PINX1: variants seen among roughly 807,000 people sequenced by gnomAD.
PINX1 encodes the protein PIN2 (TERF1) interacting telomerase inhibitor 1.
In PINX1, 34 loss-of-function variants were observed where a neutral mutation model predicts 25.4. That is an observed-to-expected ratio of 1.34 (90% CI 1.02 to 1.78). The LOEUF (loss-of-function observed/expected upper bound fraction) is 1.78. PINX1 is among the 40% of genes most tolerant of loss of function. PINX1 has a pLI of 0.00. For missense variants in PINX1, 592 were observed against 404.9 expected, an observed-to-expected ratio of 1.46 and a Z score of -3.97; for synonymous variants, 197 against 147.7, an observed-to-expected ratio of 1.33 and a Z score of -2.42.
chr8:10,837,830 A>G (rs1047800885), intron 1 of PINX1, among the ~76,000 whole-genome samples: 1 of 152,250 alleles, frequency 6.6e-6, no homozygotes, highest in Non-Finnish European at 1.5e-5. Flanking sequence ...TCAGAGGTTG[A>G]TCAGAAGGAG....
intron 6 of PINX1, among the ~76,000 whole-genome samples, chr8:10,768,285 G>A (rs891238394): frequency 6.6e-6 from 1 of 152,254 alleles, no homozygotes; most frequent in South Asian, 2.1e-4. Context: ...CTGGAACTCA[G>A]ATCTGAGTCG....
At chr8:10,828,464 G>C (rs947811787) in intron 4 of PINX1, among the ~76,000 whole-genome samples, 1 of 152,164 alleles carries the variant, frequency 6.6e-6, no homozygotes, top group Non-Finnish European at 1.5e-5. Context: ...ACTCACTACA[G>C]AGGACGACAC....
At chr8:10,776,423 C>A (rs1442802761) in intron 6 of PINX1, among the ~76,000 whole-genome samples, 3 of 145,006 alleles carry the variant, frequency 2.1e-5, no homozygotes, top group African/African-American at 5.1e-5. Context: ...AGACTCCGCT[C>A]AATAAATAAA....
intron 6 of PINX1, among the ~76,000 whole-genome samples, chr8:10,776,194 G>C (rs561136566): frequency 6.6e-6 from 1 of 152,240 alleles, no homozygotes; most frequent in Admixed American, 6.5e-5. Flanking sequence ...GGGAGGCCGA[G>C]GCAGGTGGAT....
At position 10,832,953 on chromosome 8, in the gene PINX1, T is replaced by C; in HGVS notation, c.161A>G (p.Asp54Gly). The change falls in exon 3 of 7, where the codon GAT becomes GGT. Residue 54 changes from aspartate to glycine, a missense_variant. Coordinates refer to ENST00000314787, the MANE Select transcript of PINX1 (RefSeq NM_017884.6). ...ATTTTTCACTTGAACTTTAATATGA[T>C]CTGTGGCTCCTTGCTCCTGAGCCCC... ...GLGAQEQGAT[D>G]HIKVQVKNNH... The C allele has an allele frequency of 6.2e-7, 1 of 1,611,618 alleles. No individual in the cohort carries two copies. Among genetic ancestry groups the C allele is most frequent in the Non-Finnish European group, 8.5e-7 (1 of 1,178,690 alleles).
At chr8:10,800,872 G>C (rs1393963108) in intron 6 of PINX1, among the ~76,000 whole-genome samples, 1 of 152,140 alleles carries the variant, frequency 6.6e-6, no homozygotes, top group Non-Finnish European at 1.5e-5. Flanking sequence ...ACTTGATCCA[G>C]GCGCTCAGCT....
intron 6 of PINX1, among the ~76,000 whole-genome samples, chr8:10,790,162 G>A (rs1443298249): frequency 1.3e-5 from 2 of 152,086 alleles, no homozygotes; most frequent in Non-Finnish European, 2.9e-5. Context: ...CTTCTCTCAA[G>A]GTTCCTCCCC....
chr8:10,774,366 C>G (rs1367963415), intron 6 of PINX1, among the ~76,000 whole-genome samples: 2 of 151,962 alleles, frequency 1.3e-5, no homozygotes, highest in Non-Finnish European at 2.9e-5. Context: ...ACCGCAACCT[C>G]CGCCTCCAGG....
In PINX1 at chr8:10,765,393, G is replaced by A. The variant is rs1394715269; in HGVS notation, c.*8C>T. ...CTGAGTGGTCGGAAGGCCCCGGCTG[G>A]GAAGGATTCATTTGGAATCTTTCTT... On this transcript the variant is annotated 3_prime_UTR_variant, in exon 7 of 7. Coordinates refer to ENST00000314787, the MANE Select transcript of PINX1 (RefSeq NM_017884.6). 6.3e-7 allele frequency: 1 copy of A among 1,586,960 alleles called. No homozygotes were observed. The highest frequency in any genetic ancestry group is 2.2e-5 in the East Asian group (1 of 44,684).
chr8:10,790,646 G>T (rs1227174738), intron 6 of PINX1, among the ~76,000 whole-genome samples: 2 of 152,140 alleles, frequency 1.3e-5, no homozygotes, highest in Non-Finnish European at 2.9e-5. Context: ...TGCCACCACT[G>T]AGCAGCTCAG....
chr8:10,831,786 T>C, intron 3 of PINX1, 43 bp from the exon 4 acceptor site: 1 of 1,102,380 alleles, frequency 9.1e-7, no homozygotes, highest in Non-Finnish European at 1.4e-6. Flanking sequence ...GCCTGTAGTT[T>C]ACTTACACTG....
intron 2 of PINX1, 127 bp from the exon 3 acceptor site, chr8:10,833,111 T>C (rs558489163): frequency 1.7e-5 from 10 of 581,338 alleles, no homozygotes; most frequent in Middle Eastern, 3.9e-4. Context: ...CATTAAATAC[T>C]TTCACAAAGC....
intron 6 of PINX1, among the ~76,000 whole-genome samples, chr8:10,794,691 G>C (rs1802032211): frequency 6.6e-6 from 1 of 152,146 alleles, no homozygotes; most frequent in Non-Finnish European, 1.5e-5. Context: ...GCTTCCCAAA[G>C]TGCTGGGATT....
chr8:10,804,905 C>A (rs1043580773), intron 6 of PINX1, among the ~76,000 whole-genome samples: 1 of 151,790 alleles, frequency 6.6e-6, no homozygotes, highest in South Asian at 2.1e-4. Flanking sequence ...TATGAAGTGA[C>A]CCTGCCTATA....
At chr8:10,809,155 T>A in intron 6 of PINX1, among the ~76,000 whole-genome samples, 1 of 152,224 alleles carries the variant, frequency 6.6e-6, no homozygotes, top group East Asian at 1.9e-4. Flanking sequence ...ACTCGGCTAT[T>A]TTAGCCCTGT....
At chr8:10,810,132 C>T (rs542852404) in intron 6 of PINX1, among the ~76,000 whole-genome samples, 17 of 152,268 alleles carry the variant, frequency 1.1e-4, no homozygotes, top group Non-Finnish European at 2.2e-4. Context: ...ATAAGGGATC[C>T]GCCCCAACAA....
At chr8:10,812,756 G>A (rs1030579715) in intron 6 of PINX1, among the ~76,000 whole-genome samples, 1 of 152,218 alleles carries the variant, frequency 6.6e-6, no homozygotes, top group Non-Finnish European at 1.5e-5. Flanking sequence ...AGTCACCTGT[G>A]AGGAACACAA....
chr8:10,830,658 G>A (rs1270759729), intron 4 of PINX1, among the ~76,000 whole-genome samples: 2 of 152,088 alleles, frequency 1.3e-5, no homozygotes, highest in Non-Finnish European at 2.9e-5. Context: ...TAAAAAATGG[G>A]CAAAGTACTT....
chr8:10,776,794 AC>A (rs1419600794), intron 6 of PINX1, among the ~76,000 whole-genome samples: 5 of 152,100 alleles, frequency 3.3e-5, no homozygotes, highest in Non-Finnish European at 7.4e-5. Flanking sequence ...CCTTCAGACT[AC>A]GGCTGGAGAC....
Sources: gnomAD v4.1 joint callset for allele counts (sites outside exome capture counted in the v4.1 genomes callset) on GRCh38, gnomAD v4.1.1 for gene constraint, MANE v1.5 for transcripts, NCBI Gene and HGNC (gene_info 2026-07-23, HGNC 2026-07-21) for gene names.